TM9SF3: variants seen among roughly 807,000 people sequenced by gnomAD.
TM9SF3 encodes the protein SM-11044-binding protein.
TM9SF3 carries 14 observed loss-of-function variants against 78.6 expected under a neutral mutation model. The observed-to-expected ratio is 0.18, with a 90% CI of 0.12 to 0.28. The LOEUF (loss-of-function observed/expected upper bound fraction) is 0.28. TM9SF3 is among the 10% of genes least tolerant of loss of function. TM9SF3 has a pLI of 1.00. For synonymous variants in TM9SF3, 231 were observed against 241.7 expected (o/e 0.96, Z 0.41); for missense variants, 496 against 721.9 (o/e 0.69, Z 3.59).
intron 9 of TM9SF3, among the ~76,000 whole-genome samples, chr10:96,536,444 G>A (rs1240916767): frequency 1.3e-5 from 2 of 151,920 alleles, no homozygotes; most frequent in Admixed American, 6.5e-5. Context: ...AAAAACTTTT[G>A]ATCTATGTAA....
intron 2 of TM9SF3, among the ~76,000 whole-genome samples, chr10:96,572,525 CTT>C (rs35050136): frequency 3.3e-4 from 43 of 131,484 alleles, no homozygotes; most frequent in African/African-American, 3.6e-4. Context: ...AACGCATTTT[CTT>C]TTTTTTTTTT....
At chr10:96,575,378 T>C (rs1033275859) in intron 2 of TM9SF3, among the ~76,000 whole-genome samples, 3 of 151,758 alleles carry the variant, frequency 2.0e-5, no homozygotes, top group Admixed American at 6.6e-5. Flanking sequence ...ATGTTTACAG[T>C]GATTCATAAA....
intron 14 of TM9SF3, among the ~76,000 whole-genome samples, chr10:96,523,131 T>C (rs1280510617): frequency 6.6e-6 from 1 of 151,876 alleles, no homozygotes; most frequent in Non-Finnish European, 1.5e-5. Context: ...GCAAAAGTAT[T>C]TGCAGCTTTA....
intron 2 of TM9SF3, chr10:96,576,316 A>G (rs1268765214): frequency 6.0e-6 from 1 of 166,902 alleles, no homozygotes; most frequent in African/African-American, 2.4e-5. Flanking sequence ...TATTCAAAGG[A>G]AATCTTTGTT....
chr10:96,530,629 T>C, intron 10 of TM9SF3, 21 bp from the exon 11 acceptor site: 2 of 1,592,708 alleles, frequency 1.3e-6, no homozygotes, highest in Non-Finnish European at 8.6e-7. Flanking sequence ...TTAAAATTAA[T>C]AGTAAACTTC....
chr10:96,542,354 CAGTT>C (rs1848044180), intron 9 of TM9SF3, among the ~76,000 whole-genome samples: 1 of 152,200 alleles, frequency 6.6e-6, no homozygotes, highest in Admixed American at 6.5e-5. Flanking sequence ...CAAGTACCAA[CAGTT>C]AGTCTTTTAC....
At chr10:96,551,937 A>G (rs1389661393) in intron 6 of TM9SF3, among the ~76,000 whole-genome samples, 2 of 152,214 alleles carry the variant, frequency 1.3e-5, no homozygotes, top group Non-Finnish European at 2.9e-5. Flanking sequence ...TTTTAAAAAG[A>G]ATTCAATTTT....
At chr10:96,571,680 T>G (rs1316566344) in intron 2 of TM9SF3, among the ~76,000 whole-genome samples, 1 of 152,168 alleles carries the variant, frequency 6.6e-6, no homozygotes, top group Non-Finnish European at 1.5e-5. Flanking sequence ...TACTCTCAAC[T>G]TAACAATTAA....
intron 9 of TM9SF3, among the ~76,000 whole-genome samples, chr10:96,533,961 T>C (rs1847925283): frequency 6.6e-6 from 1 of 152,182 alleles, no homozygotes; most frequent in Non-Finnish European, 1.5e-5. Context: ...CATTTCACTC[T>C]GAACTTCTGT....
chr10:96,543,958 G>A, intron 9 of TM9SF3, 118 bp downstream of exon 9: 3 of 1,095,926 alleles, frequency 2.7e-6, no homozygotes, highest in Non-Finnish European at 2.5e-6. Flanking sequence ...TTCCAGGACT[G>A]AGTATGAACT....
rs1847741234 is a variant in TM9SF3 at position 96,519,731 on chromosome 10, A to C, written c.*2532T>G. Reference sequence around the variant, plus strand: ...TGTTCTATTTTCTATTCTACAACTGAGCGCTAGGGAGCTAAACTATTTGTG... The same window carrying C: ...TGTTCTATTTTCTATTCTACAACTGCGCGCTAGGGAGCTAAACTATTTGTG... On this transcript the variant is annotated 3_prime_UTR_variant, in exon 15 of 15. Coordinates refer to ENST00000371142, the MANE Select transcript of TM9SF3 (RefSeq NM_020123.4). The C allele has an allele frequency of 6.6e-6, 1 of 151,922 alleles. No homozygotes were observed. The highest frequency in any genetic ancestry group is 6.6e-5 in the Admixed American group (1 of 15,246). The allele number at this position is 151,922 out of a possible 1,614,324, so 9.4% of individuals were successfully genotyped here. A position where few individuals can be genotyped will look rare whatever the true frequency, so the allele number is the denominator to read the frequency against.
chr10:96,576,856 TA>T (rs35616822), intron 1 of TM9SF3, 27 bp from the exon 2 acceptor site: 19,012 of 1,154,674 alleles, frequency 0.016, no homozygotes, highest in South Asian at 0.029. Flanking sequence ...AAACAAGAAT[TA>T]AAAAAAAAAA....
At chr10:96,545,212 GCTTAGAAACA>G (rs1440980838) in intron 8 of TM9SF3, among the ~76,000 whole-genome samples, 1 of 152,152 alleles carries the variant, frequency 6.6e-6, no homozygotes, top group Non-Finnish European at 1.5e-5. Flanking sequence ...TCTTCAAACA[GCTTAGAAACA>G]CTGAATCACT....
intron 3 of TM9SF3, 100 bp from the exon 4 acceptor site, chr10:96,562,238 C>G: frequency 1.7e-6 from 1 of 588,478 alleles, no homozygotes; most frequent in Non-Finnish European, 2.6e-6. Flanking sequence ...TTTTTTTTTA[C>G]CTCCGCCCTC....
intron 9 of TM9SF3, among the ~76,000 whole-genome samples, chr10:96,540,014 C>A (rs2134136404): frequency 6.6e-6 from 1 of 152,316 alleles, no homozygotes; most frequent in African/African-American, 2.4e-5. Flanking sequence ...CAAAGTGCTA[C>A]ACAAATGTAT....
intron 7 of TM9SF3, among the ~76,000 whole-genome samples, chr10:96,548,691 G>A (rs1042773666): frequency 4.0e-5 from 6 of 150,424 alleles, no homozygotes; most frequent in Non-Finnish European, 7.4e-5. Context: ...CCAATTACTC[G>A]AGAGGCTGAG....
At chr10:96,528,241 G>A (rs946530728) in intron 11 of TM9SF3, 64 bp from the exon 12 acceptor site, 17 of 1,452,954 alleles carry the variant, frequency 1.2e-5, no homozygotes, top group African/African-American at 1.1e-4. Context: ...TCTGCTCTTC[G>A]TGAGTCTCAC....
intron 6 of TM9SF3, 46 bp downstream of exon 6, chr10:96,552,882 A>G: frequency 6.9e-7 from 1 of 1,441,902 alleles, no homozygotes; most frequent in South Asian, 1.6e-5. Context: ...AAAACTTAAC[A>G]CTCAGTTAAA....
intron 7 of TM9SF3, among the ~76,000 whole-genome samples, chr10:96,548,544 T>C (rs1014725398): frequency 6.6e-6 from 1 of 152,154 alleles, no homozygotes; most frequent in Non-Finnish European, 1.5e-5. Flanking sequence ...ACACCTGTAA[T>C]CCGAGCACTT....
Sources: gnomAD v4.1 joint callset for allele counts (sites outside exome capture counted in the v4.1 genomes callset) on GRCh38, gnomAD v4.1.1 for gene constraint, MANE v1.5 for transcripts, NCBI Gene and HGNC (gene_info 2026-07-23, HGNC 2026-07-21) for gene names.